Variants in MEF2A observed in about 807,000 individuals in gnomAD.
MEF2A encodes myocyte-specific enhancer factor 2A.
MEF2A carries 28 observed loss-of-function variants against 55.8 expected under a neutral mutation model. That is an observed-to-expected ratio of 0.50 (90% CI 0.37 to 0.69). The LOEUF is 0.69. Among genes scored for constraint, MEF2A ranks in the 30% least tolerant of loss-of-function variants. The probability of loss-of-function intolerance (pLI) is 0.00; values close to 1 mark genes in which losing one functional copy is unlikely to be tolerated. For synonymous variants in MEF2A, 239 were observed against 227.1 expected, an observed-to-expected ratio of 1.05 and a Z score of -0.47; for missense variants, 528 against 626.2, an observed-to-expected ratio of 0.84 and a Z score of 1.67.
At chr15:99,573,200 A>G (rs562124728) in intron 1 of MEF2A, among the ~76,000 whole-genome samples, 1 of 151,444 alleles carries the variant, frequency 6.6e-6, no homozygotes, top group Admixed American at 6.6e-5. Context: ...AGGCAGGAGA[A>G]TGGCGTGAAC....
At chr15:99,592,618 G>A (rs2152981303) in intron 1 of MEF2A, among the ~76,000 whole-genome samples, 1 of 152,282 alleles carries the variant, frequency 6.6e-6, no homozygotes, top group East Asian at 1.9e-4. Context: ...AGATGAGTGT[G>A]TCAGGAATGT....
intron 2 of MEF2A, among the ~76,000 whole-genome samples, chr15:99,611,618 C>T (rs1977317799): frequency 6.6e-6 from 1 of 152,154 alleles, no homozygotes; most frequent in Admixed American, 6.5e-5. Context: ...TCTGGCAGTT[C>T]CTCCAAAAGT....
intron 7 of MEF2A, chr15:99,678,810 T>C (rs1455111104): frequency 2.5e-6 from 1 of 403,734 alleles, no homozygotes; most frequent in East Asian, 1.6e-4. Context: ...TCAAAAGCAC[T>C]GTAAAGAGAG....
At chr15:99,676,941 CAA>C (rs2052226285) in intron 7 of MEF2A, among the ~76,000 whole-genome samples, 1 of 151,882 alleles carries the variant, frequency 6.6e-6, no homozygotes, top group Admixed American at 6.6e-5. Context: ...GCCCACATGG[CAA>C]AACCCCATCT....
At chr15:99,626,683 C>T (rs935939778) in intron 2 of MEF2A, among the ~76,000 whole-genome samples, 3 of 152,134 alleles carry the variant, frequency 2.0e-5, no homozygotes. Context: ...TAAGAGAGAA[C>T]CCGCTGATAT....
At chr15:99,624,139 C>G (rs2041703103) in intron 2 of MEF2A, among the ~76,000 whole-genome samples, 1 of 152,098 alleles carries the variant, frequency 6.6e-6, no homozygotes, top group Non-Finnish European at 1.5e-5. Context: ...TTTGGGGTTG[C>G]TGTTTTACTC....
chr15:99,683,773 A>G (rs1027622565), intron 7 of MEF2A, among the ~76,000 whole-genome samples: 1 of 151,276 alleles, frequency 6.6e-6, no homozygotes, highest in African/African-American at 2.4e-5. Flanking sequence ...GTTTTGTTGC[A>G]TGGAAAAATT....
chr15:99,596,954 A>G (rs1173265233), intron 1 of MEF2A, among the ~76,000 whole-genome samples: 1 of 152,208 alleles, frequency 6.6e-6, no homozygotes, highest in Non-Finnish European at 1.5e-5. Context: ...GTAATTTCTT[A>G]TGCCTGTCTT....
chr15:99,578,116 C>T (rs1254522559), intron 1 of MEF2A, among the ~76,000 whole-genome samples: 1 of 152,198 alleles, frequency 6.6e-6, no homozygotes, highest in Non-Finnish European at 1.5e-5. Flanking sequence ...CAACTTTCAT[C>T]CATTCACTTC....
chr15:99,658,011 C>CAAGA (rs2048025342), intron 4 of MEF2A, among the ~76,000 whole-genome samples: 1 of 152,070 alleles, frequency 6.6e-6, no homozygotes, highest in African/African-American at 2.4e-5. Flanking sequence ...TCAGAAATCT[C>CAAGA]TTTCAAATAA....
Position 99,675,411 on chromosome 15 carries a change from G to A in MEF2A, c.623G>A (p.Ser208Asn), listed in dbSNP as rs199820037. The A allele has an allele frequency of 5.1e-5, 82 of 1,613,782 alleles. No individual in the cohort carries two copies. Among genetic ancestry groups the A allele is most frequent in the South Asian group, 2.2e-5 (2 of 91,084 alleles). Residue 208 changes from serine to asparagine, a missense_variant, in exon 7 of 12, where the codon AGC becomes AAC. By Grantham distance (46) the Ser-to-Asn change is conservative (BLOSUM62 1). This residue lies in a region of MEF2A where 450 missense variants were observed against 475.3 expected (regional missense o/e 0.95). Transcript: ENST00000557942. ...PSTGNAGGML[S>N]TTDLTVPNGA... is the part of the protein sequence containing the mutation. ...GTAACGTTGTTAGGTGGGATGTTGA[G>A]CACTACAGACCTCACAGTGCCAAAT...
At chr15:99,605,765 G>A (rs576222732) in intron 2 of MEF2A, among the ~76,000 whole-genome samples, 2 of 151,576 alleles carry the variant, frequency 1.3e-5, no homozygotes, top group South Asian at 2.1e-4. Context: ...GAGCCTAGGA[G>A]TTCAAGACCA....
At chr15:99,648,558 G>A (rs889395315) in intron 4 of MEF2A, among the ~76,000 whole-genome samples, 1 of 152,050 alleles carries the variant, frequency 6.6e-6, no homozygotes, top group Non-Finnish European at 1.5e-5. Context: ...ATACTTAAGA[G>A]TTTGTGTCAT....
At chr15:99,591,322 T>G (rs1314006758) in intron 1 of MEF2A, among the ~76,000 whole-genome samples, 1 of 152,210 alleles carries the variant, frequency 6.6e-6, no homozygotes, top group Non-Finnish European at 1.5e-5. Context: ...CAGAGTTTTT[T>G]TTTGTCCTTT....
chr15:99,590,448 T>C (rs1320829616), intron 1 of MEF2A, among the ~76,000 whole-genome samples: 2 of 147,970 alleles, frequency 1.4e-5, no homozygotes, highest in African/African-American at 5.0e-5. Context: ...TATGACAGTC[T>C]CTACTGTTTA....
At chr15:99,595,673 A>G (rs1234319508) in intron 1 of MEF2A, among the ~76,000 whole-genome samples, 2 of 152,240 alleles carry the variant, frequency 1.3e-5, no homozygotes, top group Non-Finnish European at 2.9e-5. Flanking sequence ...GGAGACTCAT[A>G]CTTGTACAAC....
intron 3 of MEF2A, among the ~76,000 whole-genome samples, chr15:99,636,267 A>G (rs764189431): frequency 6.6e-5 from 10 of 152,162 alleles, no homozygotes; most frequent in Non-Finnish European, 1.2e-4. Flanking sequence ...TGCATTCTAT[A>G]TAATCAGGTG....
chr15:99,715,742 A>G lies in MEF2A; in HGVS notation c.*2971A>G, dbSNP rs893125083. ...TTTATTACTAAAGAACAAAAGCAAAAAAAGCTTAAATTGCACTGGTTAAAG... is the reference window on the plus strand; with the variant it reads ...TTTATTACTAAAGAACAAAAGCAAAGAAAGCTTAAATTGCACTGGTTAAAG... On this transcript the variant is annotated 3_prime_UTR_variant, in exon 12 of 12. Transcript: ENST00000557942. 6.6e-5 allele frequency: 10 copies of G among 152,218 alleles called. No individual in the cohort carries two copies. The highest frequency in any genetic ancestry group is 2.4e-4 in the African/African-American group (10 of 41,460). The allele number at this position is 152,218 out of a possible 1,614,324, so 9.4% of individuals were successfully genotyped here.
At chr15:99,661,413 GTTT>G (rs201573554) in intron 4 of MEF2A, among the ~76,000 whole-genome samples, 1 of 129,596 alleles carries the variant, frequency 7.7e-6, no homozygotes. Context: ...AAAGATAAGC[GTTT>G]TTTTTTTTTT....
Sources: gnomAD v4.1 joint callset for allele counts (sites outside exome capture counted in the v4.1 genomes callset) on GRCh38, gnomAD v4.1.1 for gene constraint, gnomAD v4.1.1 regional missense constraint, MANE v1.5 for transcripts, NCBI Gene and HGNC (gene_info 2026-07-23, HGNC 2026-07-21) for gene names.